Variants in CYRIB observed in about 807,000 individuals in gnomAD.
CYRIB encodes CYFIP related Rac1 interactor B, also known as CYFIP-related Rac1 interactor B.
A neutral mutation model predicts 44.2 loss-of-function variants in CYRIB; 8 were observed. That is an observed-to-expected ratio of 0.18 (90% CI 0.11 to 0.33). The LOEUF (loss-of-function observed/expected upper bound fraction) is 0.33. Ranked by LOEUF, CYRIB falls within the 10% of genes least tolerant of loss-of-function variation. CYRIB has a pLI of 1.00. For missense variants in CYRIB, 185 were observed against 382.8 expected (o/e 0.48, Z 4.31); for synonymous variants, 131 against 127.2 (o/e 1.03, Z -0.20).
At chr8:129,990,616 G>A (rs1291722267) in intron 1 of CYRIB, among the ~76,000 whole-genome samples, 1 of 151,930 alleles carries the variant, frequency 6.6e-6, no homozygotes, top group Non-Finnish European at 1.5e-5. Context: ...CAAACTCCCA[G>A]GCTCAAGCGA....
chr8:129,932,155 C>T (rs904947524), intron 1 of CYRIB, among the ~76,000 whole-genome samples: 5 of 151,910 alleles, frequency 3.3e-5, no homozygotes, highest in Admixed American at 3.3e-4. Flanking sequence ...CTCACCACTT[C>T]GCCCAGCTAA....
intron 1 of CYRIB, among the ~76,000 whole-genome samples, chr8:129,906,650 T>A (rs1303968631): frequency 6.6e-6 from 1 of 152,032 alleles, no homozygotes; most frequent in Non-Finnish European, 1.5e-5. Context: ...GAAACTACCA[T>A]CAGAGTGAAC....
intron 2 of CYRIB, among the ~76,000 whole-genome samples, chr8:129,963,059 A>G (rs1168985838): frequency 6.6e-6 from 1 of 152,160 alleles, no homozygotes; most frequent in Non-Finnish European, 1.5e-5. Context: ...AATCAGAAAG[A>G]CAGTTGGACT....
At chr8:129,987,594 G>C (rs1390402678) in intron 1 of CYRIB, among the ~76,000 whole-genome samples, 1 of 128,242 alleles carries the variant, frequency 7.8e-6, no homozygotes, top group African/African-American at 2.9e-5. Context: ...TTATGAGACT[G>C]AGTCTCGCTC....
chr8:129,978,763 A>G (rs1378521700), intron 1 of CYRIB, among the ~76,000 whole-genome samples: 1 of 152,208 alleles, frequency 6.6e-6, no homozygotes, highest in Non-Finnish European at 1.5e-5. Flanking sequence ...TTTCCTATTC[A>G]TAACTAGTGC....
intron 9 of CYRIB, chr8:129,850,591 T>C (rs1419074710): frequency 8.1e-6 from 4 of 492,714 alleles, no homozygotes; most frequent in Non-Finnish European, 1.4e-5. Context: ...ACTAAGAGTC[T>C]GAGTCAGTCT....
chr8:129,984,334 C>G (rs1464701260), intron 1 of CYRIB, among the ~76,000 whole-genome samples: 1 of 152,198 alleles, frequency 6.6e-6, no homozygotes, highest in Non-Finnish European at 1.5e-5. Context: ...CCAGGCAGGG[C>G]TGGCAGGGAG....
chr8:129,963,090 C>T (rs576097583), intron 2 of CYRIB, among the ~76,000 whole-genome samples: 2 of 152,208 alleles, frequency 1.3e-5, no homozygotes, highest in African/African-American at 4.8e-5. Context: ...ACTTGTTGAA[C>T]TACTGGAACA....
chr8:129,895,156 G>T (rs938511234), intron 2 of CYRIB, among the ~76,000 whole-genome samples: 6 of 148,812 alleles, frequency 4.0e-5, no homozygotes, highest in Non-Finnish European at 7.5e-5. Context: ...AGGGGCAGGG[G>T]GAATACTGTT....
chr8:129,893,695 T>A (rs764827773), intron 2 of CYRIB, among the ~76,000 whole-genome samples: 2 of 152,158 alleles, frequency 1.3e-5, no homozygotes, highest in Non-Finnish European at 2.9e-5. Context: ...ATAATTAGTA[T>A]CTTTTTAAAA....
chr8:129,988,300 G>A (rs1410089182), intron 1 of CYRIB, among the ~76,000 whole-genome samples: 3 of 152,202 alleles, frequency 2.0e-5, no homozygotes, highest in African/African-American at 7.2e-5. Flanking sequence ...GCACGCTGCT[G>A]ACGCAAGTAG....
chr8:130,002,786 A>G (rs1431501602), intron 1 of CYRIB, among the ~76,000 whole-genome samples: 4 of 152,186 alleles, frequency 2.6e-5, no homozygotes, highest in Non-Finnish European at 4.4e-5. Flanking sequence ...ATTATTTCCA[A>G]TTTATTTTGT....
intron 1 of CYRIB, among the ~76,000 whole-genome samples, chr8:130,000,747 T>A (rs1184422899): frequency 6.6e-6 from 1 of 151,460 alleles, no homozygotes; most frequent in African/African-American, 2.4e-5. Flanking sequence ...CCAGGCACAG[T>A]GGAGAGAGCC....
chr8:129,953,985 T>TA (rs958277335), intron 2 of CYRIB, among the ~76,000 whole-genome samples: 6 of 151,968 alleles, frequency 3.9e-5, no homozygotes, highest in East Asian at 1.9e-4. Context: ...GCATAAACCT[T>TA]AAAAAAAATG....
chr8:129,939,129 A>C (rs1397601838), intron 1 of CYRIB, among the ~76,000 whole-genome samples: 1 of 151,332 alleles, frequency 6.6e-6, no homozygotes, highest in Non-Finnish European at 1.5e-5. Context: ...CTGGGTGTCG[A>C]GGCGAGGCGA....
At chr8:130,006,965 C>G (rs1592368833) in intron 1 of CYRIB, among the ~76,000 whole-genome samples, 1 of 151,918 alleles carries the variant, frequency 6.6e-6, no homozygotes, top group African/African-American at 2.4e-5. Context: ...CAAATCTTTT[C>G]TAGTGGGGAT....
At chr8:129,843,960 G>C (rs2038169331) in intron 11 of CYRIB, 1 of 151,420 alleles carries the variant, frequency 6.6e-6, no homozygotes, top group African/African-American at 2.4e-5. Context: ...AGCCAGGTTG[G>C]AAAGAAAAAA....
intron 2 of CYRIB, among the ~76,000 whole-genome samples, chr8:129,967,553 G>T (rs1196025007): frequency 1.3e-5 from 2 of 151,672 alleles, no homozygotes; most frequent in Non-Finnish European, 2.9e-5. Flanking sequence ...CTAATTTTTT[G>T]TATTTTTAGT....
chr8:130,007,560 G>GGCCA (rs1244572775), intron 1 of CYRIB, among the ~76,000 whole-genome samples: 1 of 149,782 alleles, frequency 6.7e-6, no homozygotes, highest in East Asian at 2.0e-4. Flanking sequence ...CGAGGCAGGT[G>GGCCA]GATCGCCTGA....
Sources: gnomAD v4.1 joint callset for allele counts (sites outside exome capture counted in the v4.1 genomes callset) on GRCh38, gnomAD v4.1.1 for gene constraint, MANE v1.5 for transcripts, NCBI Gene and HGNC (gene_info 2026-07-23, HGNC 2026-07-21) for gene names.